The following BLACAT1 variants were observed in gnomAD, a reference collection of about 807,000 sequenced individuals.
BLACAT1 encodes BLACAT1 overlapping LEMD1 locus.
At chr1:205,451,774 A>G (rs945779643) in intron 1 of BLACAT1, among the ~76,000 whole-genome samples, 2 of 152,128 alleles carry the variant, frequency 1.3e-5, no homozygotes, top group Admixed American at 6.5e-5. Context: ...AAACTGTGTC[A>G]TGCATCTAGG....
rs545347640 is a variant in BLACAT1, at chr1:205,450,714, C to T, written c.-37+5203G>A. ...TGGCCTGCCTACCAATCCCAGCCCACCTGACAAGCCCCAAGTAAGCTGTGG... is the reference window on the plus strand; with the variant it reads ...TGGCCTGCCTACCAATCCCAGCCCATCTGACAAGCCCCAAGTAAGCTGTGG... On this transcript the variant is annotated intron_variant, in intron 1 of 1. Transcript: ENST00000629624. This position sits in a 1 kb window ranked among gnomAD's most constrained non-coding sequence, Gnocchi z 4.4. 5.3e-5 allele frequency among the ~76,000 whole-genome samples: 8 copies of T among 152,314 alleles called. No homozygotes were observed. The East Asian group carries it at 1.4e-3, about 26-fold the overall frequency.
chr1:205,446,038 A>C (rs1666382861), intron 1 of BLACAT1, among the ~76,000 whole-genome samples: 1 of 152,206 alleles, frequency 6.6e-6, no homozygotes, highest in African/African-American at 2.4e-5. Context: ...TGAGGACTGT[A>C]AAAAAGACTT....
At chr1:205,439,498 C>T (rs1205821686), downstream of BLACAT1, among the ~76,000 whole-genome samples, 1 of 152,212 alleles carries the variant, frequency 6.6e-6, no homozygotes, top group East Asian at 1.9e-4. Context: ...ATAGAATGTG[C>T]CCTTGCTTCT....
At chr1:205,440,133 A>G (rs1346724548) in exon 2 of BLACAT1, among the ~76,000 whole-genome samples, 1 of 152,174 alleles carries the variant, frequency 6.6e-6, no homozygotes, top group Non-Finnish European at 1.5e-5. Context: ...AGTCCAGGAA[A>G]GGGGTCCCTC....
intron 1 of BLACAT1, among the ~76,000 whole-genome samples, chr1:205,453,099 G>A (rs1211618769): frequency 6.6e-6 from 1 of 152,140 alleles, no homozygotes; most frequent in East Asian, 1.9e-4. Flanking sequence ...GGAAGGCACT[G>A]CTGAAACTTC....
chr1:205,442,308 C>T (rs1173797551), intron 1 of BLACAT1, among the ~76,000 whole-genome samples: 1 of 152,152 alleles, frequency 6.6e-6, no homozygotes, highest in Non-Finnish European at 1.5e-5. Context: ...CTCCCTTCTC[C>T]AGCCCCTCAA....
Position 205,450,512 on chromosome 1 carries a change from C to T in BLACAT1, c.-37+5405G>A, listed in dbSNP as rs1215714893. 6.6e-6 allele frequency among the ~76,000 whole-genome samples: 1 copy of T among 151,696 alleles called. No individual in the cohort carries two copies. Among genetic ancestry groups the T allele is most frequent in the Non-Finnish European group, 1.5e-5 (1 of 67,894 alleles). ...CACCCATACCCCTATTCTGCTCCCA[C>T]CACTCCCCTGCCCTGGGAGGACAAG... On this transcript the variant is annotated intron_variant, in intron 1 of 1. Transcript: ENST00000629624. This position sits in a 1 kb window ranked among gnomAD's most constrained non-coding sequence, Gnocchi z 4.4.
At chr1:205,453,819 A>C (rs1158927468) in intron 1 of BLACAT1, among the ~76,000 whole-genome samples, 1 of 152,196 alleles carries the variant, frequency 6.6e-6, no homozygotes, top group Non-Finnish European at 1.5e-5. Flanking sequence ...CCCAGGCCAC[A>C]GTTTTGCCTC....
rs1029934296 is a variant in BLACAT1, at chr1:205,443,741, C to T, written c.-36-2679G>A. 3.3e-5 allele frequency among the ~76,000 whole-genome samples: 5 copies of T among 152,226 alleles called. No individual in the cohort carries two copies. In the East Asian group the frequency reaches 5.8e-4, roughly 18 times the overall value. On this transcript the variant is annotated intron_variant, in intron 1 of 1. Transcript: ENST00000629624. ...CTGTAAGGTGCACAACTCCATGCCC[C>T]GGAGGCTGCCTGGGCTCTGTCTGCA...
At position 205,450,104 on chromosome 1, in the gene BLACAT1, G is replaced by C. The variant is rs1666472504; in HGVS notation, c.-37+5813C>G. Reference sequence around the variant, plus strand: ...CCCCTCCCCCAGCCCTGAGGACGGTGGGGGTGGGGGTGGGGGCGGGCTGGG... The same window carrying C: ...CCCCTCCCCCAGCCCTGAGGACGGTCGGGGTGGGGGTGGGGGCGGGCTGGG... On this transcript the variant is annotated intron_variant, in intron 1 of 1. Coordinates refer to ENST00000629624, the Ensembl canonical transcript of BLACAT1. The surrounding 1 kb of genome is among the most constrained non-coding windows in gnomAD (Gnocchi z 4.4). Among the ~76,000 whole-genome samples the C allele has an allele frequency of 6.6e-6, 1 of 151,658 alleles. No homozygotes were observed. Among genetic ancestry groups the C allele is most frequent in the African/African-American group, 2.4e-5 (1 of 41,410 alleles).
At chr1:205,449,584 G>GCACAGCA (rs908685535) in intron 1 of BLACAT1, among the ~76,000 whole-genome samples, 9 of 152,008 alleles carry the variant, frequency 5.9e-5, no homozygotes, top group Non-Finnish European at 1.2e-4. Context: ...GCACAGCACA[G>GCACAGCA]CACAGCACAC....
downstream of BLACAT1, chr1:205,435,107 G>C (rs1666183476): frequency 6.6e-6 from 1 of 152,176 alleles, no homozygotes. Flanking sequence ...CTCAGTGCAG[G>C]AGTTTAGCAT....
downstream of BLACAT1, among the ~76,000 whole-genome samples, chr1:205,438,817 T>C (rs1666248504): frequency 6.6e-6 from 1 of 151,850 alleles, no homozygotes. Flanking sequence ...GCCAAGGGAG[T>C]TCTCCCGGGG....
At chr1:205,438,939 G>A (rs913422507), downstream of BLACAT1, among the ~76,000 whole-genome samples, 7 of 152,224 alleles carry the variant, frequency 4.6e-5, no homozygotes, top group Admixed American at 4.6e-4. Flanking sequence ...TCCCCAGGAC[G>A]TACTTTCTCC....
At chr1:205,447,014 G>A (rs1666403781) in intron 1 of BLACAT1, among the ~76,000 whole-genome samples, 1 of 152,336 alleles carries the variant, frequency 6.6e-6, no homozygotes, top group African/African-American at 2.4e-5. Flanking sequence ...GCCAATTTGT[G>A]GACGTGCATC....
At chr1:205,440,251 G>A (rs1160644316) in exon 2 of BLACAT1, among the ~76,000 whole-genome samples, 1 of 152,192 alleles carries the variant, frequency 6.6e-6, no homozygotes, top group African/African-American at 2.4e-5. Flanking sequence ...ATGAACACGG[G>A]TGGGTCAGGG....
At chr1:205,435,286 G>C (rs1666188421), downstream of BLACAT1, 3 of 152,178 alleles carry the variant, frequency 2.0e-5, no homozygotes, top group African/African-American at 7.2e-5. Flanking sequence ...GACTCTCAGG[G>C]GTCTCTTGCC....
chr1:205,440,853 A>C (rs1666281346), exon 2 of BLACAT1: 1 of 152,294 alleles, frequency 6.6e-6, no homozygotes. Flanking sequence ...TCCTGCTCCA[A>C]GCCCCAGCCA....
chr1:205,449,151 G>A (rs896680835), intron 1 of BLACAT1, among the ~76,000 whole-genome samples: 2 of 152,166 alleles, frequency 1.3e-5, no homozygotes, highest in Admixed American at 6.5e-5. Flanking sequence ...GTGCCCTGCC[G>A]CTCTCATTGG....
Sources: allele counts gnomAD v4.1 joint callset (sites outside exome capture counted in the v4.1 genomes callset), GRCh38; gene constraint gnomAD v4.1.1; non-coding constraint Gnocchi (gnomAD v3.1); transcripts MANE v1.5; gene names NCBI Gene and HGNC (gene_info 2026-07-23, HGNC 2026-07-21).